ZNF674: variants seen among roughly 807,000 people sequenced by gnomAD.
ZNF674 encodes the protein zinc finger family member 674.
A neutral mutation model predicts 7.0 loss-of-function variants in ZNF674; 2 were observed. That is an observed-to-expected ratio of 0.29 (90% CI 0.12 to 0.90). The LOEUF is 0.90. Among genes scored for constraint, ZNF674 ranks in the 40% least tolerant of loss-of-function variants. ZNF674 has a pLI of 0.57. For missense variants in ZNF674, 297 were observed against 415.5 expected (o/e 0.71, Z 2.48); for synonymous variants, 103 against 145.2 (o/e 0.71, Z 2.09).
rs754986071 is a variant in ZNF674, at chrX:46,544,594, C to G, written c.-123G>C. ...GTCTGAAATCGGTGAGCAGTGGTCT[C>G]AGGTCTGCACTCTGACCCTGGAAAC... On this transcript the variant is annotated 5_prime_UTR_variant, in exon 2 of 6. Coordinates refer to ENST00000683375, the MANE Select transcript of ZNF674 (RefSeq NM_001190417.2). 3.8e-4 allele frequency: 43 copies of G among 112,157 alleles called. No individual in the cohort carries two copies. Among genetic ancestry groups the G allele is most frequent in the African/African-American group, 1.3e-3 (40 of 30,924 alleles). 9.2% of individuals were successfully genotyped at this position (112,157 alleles called of 1,213,427 possible).
chrX:46,519,317 A>AGATAGATG (rs1941860974), intron 5 of ZNF674, among the ~76,000 whole-genome samples: 2 of 108,994 alleles, frequency 1.8e-5, no homozygotes, highest in South Asian at 3.9e-4. Context: ...ATAGATAGAT[A>AGATAGATG]GATAGATAGG....
intron 5 of ZNF674, among the ~76,000 whole-genome samples, chrX:46,504,373 G>C (rs977122879): frequency 8.4e-4 from 90 of 107,597 alleles, no homozygotes; most frequent in African/African-American, 3.0e-3. Flanking sequence ...ATGGAGTCTC[G>C]CTGTTGTCAC....
intron 5 of ZNF674, chrX:46,523,765 G>C (rs894262779): frequency 9.0e-6 from 1 of 111,494 alleles, no homozygotes; most frequent in Non-Finnish European, 1.9e-5. Flanking sequence ...ATTTGTAGCC[G>C]GGTGCAGTGG....
At chrX:46,502,784 G>A (rs1602044534) in intron 5 of ZNF674, among the ~76,000 whole-genome samples, 1 of 112,124 alleles carries the variant, frequency 8.9e-6, no homozygotes, top group East Asian at 2.8e-4. Context: ...ACAGCATAAG[G>A]AAGCCTGCAC....
At chrX:46,519,251 T>TAA (rs1402872728) in intron 5 of ZNF674, among the ~76,000 whole-genome samples, 1 of 74,769 alleles carries the variant, frequency 1.3e-5, no homozygotes, top group African/African-American at 5.4e-5. Flanking sequence ...GATAGATAGA[T>TAA]AGATAGATAG....
intron 3 of ZNF674, among the ~76,000 whole-genome samples, chrX:46,533,641 A>C (rs1264960737): frequency 3.8e-5 from 4 of 105,480 alleles, no homozygotes; most frequent in Non-Finnish European, 7.8e-5. Context: ...GCACGCCTAT[A>C]ATCCCAGCTA....
intron 3 of ZNF674, among the ~76,000 whole-genome samples, chrX:46,534,389 C>T (rs1942166553): frequency 9.0e-6 from 1 of 111,204 alleles, no homozygotes; most frequent in Admixed American, 9.6e-5. Context: ...TCATCCAGGC[C>T]GGAGTGCAGT....
chrX:46,513,505 G>A lies in ZNF674; in HGVS notation c.239-12170C>T, dbSNP rs6609423. Among the ~76,000 whole-genome samples, 659 of 111,547 alleles carry A rather than the reference G, an allele frequency of 5.9e-3. 7 individuals are homozygous for A. Among genetic ancestry groups the A allele is most frequent in the African/African-American group, 0.02 (630 of 30,747 alleles). ...CTGTAACATTAATTTTGCCACATAA[G>A]GTCATAGAGCTTTGCATTTTAACAT... On this transcript the variant is annotated intron_variant, in intron 5 of 5. Transcript: ENST00000683375.
rs376763969 is a variant in ZNF674 at position 46,501,193 on chromosome X, G to A, written c.381C>T (p.Leu127=). The A allele has an allele frequency of 1.7e-6, 2 of 1,210,367 alleles. No homozygotes were observed. Among genetic ancestry groups the A allele is most frequent in the Non-Finnish European group, 2.2e-6 (2 of 894,670 alleles). Residue 127 remains leucine (L), a synonymous_variant, in exon 6 of 6, where the codon CTC becomes CTT. Transcript: ENST00000683375. ...GTTTTACAGAAACAAAGTCTGTGTT[G>A]AGATAAATGATTTTTCTACATATTT... ...ECKICRKIIY[L]NTDFVSVKQR...
At chrX:46,502,708 C>G (rs1602044388) in intron 5 of ZNF674, among the ~76,000 whole-genome samples, 1 of 111,820 alleles carries the variant, frequency 8.9e-6, no homozygotes, top group East Asian at 2.8e-4. Context: ...TTAGAGTGTG[C>G]TCTGTGTTCA....
chrX:46,537,226 G>A (rs1006069657), intron 3 of ZNF674, among the ~76,000 whole-genome samples: 3 of 109,348 alleles, frequency 2.7e-5, no homozygotes, highest in African/African-American at 6.7e-5. Flanking sequence ...ATCCGAGATC[G>A]CACCACTGTA....
chrX:46,534,404 A>G (rs372775633), intron 3 of ZNF674, among the ~76,000 whole-genome samples: 2 of 110,950 alleles, frequency 1.8e-5, no homozygotes, highest in East Asian at 5.7e-4. Flanking sequence ...TGCAGTGGTG[A>G]GATTATGGCT....
chrX:46,520,889 G>A (rs1454092272), intron 5 of ZNF674, among the ~76,000 whole-genome samples: 3 of 111,832 alleles, frequency 2.7e-5, no homozygotes, highest in Non-Finnish European at 3.8e-5. Flanking sequence ...AAGAAAGACA[G>A]TGAAAAGACA....
At chrX:46,544,236 G>A (rs556649356) in intron 2 of ZNF674, among the ~76,000 whole-genome samples, 2 of 113,102 alleles carry the variant, frequency 1.8e-5, no homozygotes, top group Admixed American at 1.9e-4. Context: ...CCTGGAAGTA[G>A]AGCCAGCTTT....
At chrX:46,515,939 G>A (rs989838183) in intron 5 of ZNF674, among the ~76,000 whole-genome samples, 16 of 110,910 alleles carry the variant, frequency 1.4e-4, no homozygotes, top group African/African-American at 4.9e-4. Flanking sequence ...TTTCTTGTAT[G>A]CCAAATTAAA....
At chrX:46,524,952 A>G (rs945220055) in intron 5 of ZNF674, among the ~76,000 whole-genome samples, 6 of 109,215 alleles carry the variant, frequency 5.5e-5, no homozygotes, top group African/African-American at 1.7e-4. Context: ...CGAGGCTGCA[A>G]TGAGCTATGA....
intron 5 of ZNF674, among the ~76,000 whole-genome samples, chrX:46,508,437 T>C (rs1317449242): frequency 8.9e-6 from 1 of 112,432 alleles, no homozygotes; most frequent in Non-Finnish European, 1.9e-5. Context: ...ATTCATAGGT[T>C]AAATACTAGT....
chrX:46,533,635 G>A (rs1395940149), intron 3 of ZNF674, among the ~76,000 whole-genome samples: 2 of 105,472 alleles, frequency 1.9e-5, no homozygotes, highest in African/African-American at 7.0e-5. Context: ...GGTGGTGCAC[G>A]CCTATAATCC....
intron 3 of ZNF674, among the ~76,000 whole-genome samples, chrX:46,540,681 C>T (rs1942276811): frequency 9.0e-6 from 1 of 111,407 alleles, no homozygotes; most frequent in Non-Finnish European, 1.9e-5. Context: ...AGTCAAAACC[C>T]GACTTCCAGG....
Sources: gnomAD v4.1 joint callset for allele counts (sites outside exome capture counted in the v4.1 genomes callset) on GRCh38, gnomAD v4.1.1 for gene constraint, MANE v1.5 for transcripts, NCBI Gene and HGNC (gene_info 2026-07-23, HGNC 2026-07-21) for gene names.